STIMATE: variants seen among roughly 807,000 people sequenced by gnomAD.
STIMATE encodes STIM activating enhancer.
A neutral mutation model predicts 36.7 loss-of-function variants in STIMATE; 15 were observed. That is an observed-to-expected ratio of 0.41 (90% confidence interval 0.27 to 0.63). The LOEUF (loss-of-function observed/expected upper bound fraction) is 0.63. Ranked by LOEUF, STIMATE falls within the 20% of genes least tolerant of loss-of-function variation. The pLI is 0.32. For missense variants in STIMATE, 305 were observed against 397.3 expected (o/e 0.77, Z 1.98); for synonymous variants, 163 against 162.3 (o/e 1.00, Z -0.03).
intron 4 of STIMATE, 125 bp from the exon 5 acceptor site, chr3:52,845,066 G>GCC (rs1167036393): frequency 1.2e-6 from 1 of 863,282 alleles, no homozygotes; most frequent in African/African-American, 1.7e-5. Context: ...TACTTAATGA[G>GCC]CCCCCCCAAA....
chr3:52,859,901 TG>T (rs1701185922), intron 1 of STIMATE, among the ~76,000 whole-genome samples: 1 of 151,990 alleles, frequency 6.6e-6, no homozygotes, highest in South Asian at 2.1e-4. Context: ...CCCGTGCCTG[TG>T]GGTGCCCTGA....
At chr3:52,879,519 G>A (rs374623832) in intron 1 of STIMATE, among the ~76,000 whole-genome samples, 2 of 152,166 alleles carry the variant, frequency 1.3e-5, no homozygotes, top group African/African-American at 4.8e-5. Flanking sequence ...AGTGATACAC[G>A]AGAAGCATGT....
At chr3:52,846,976 T>C (rs1700919138) in intron 4 of STIMATE, among the ~76,000 whole-genome samples, 1 of 152,162 alleles carries the variant, frequency 6.6e-6, no homozygotes, top group Non-Finnish European at 1.5e-5. Context: ...TGAACACGGC[T>C]TATTGTATCC....
intron 1 of STIMATE, among the ~76,000 whole-genome samples, chr3:52,856,185 T>C (rs1701091482): frequency 1.3e-5 from 2 of 152,164 alleles, no homozygotes; most frequent in Admixed American, 1.3e-4. Context: ...TCTGGCCTCA[T>C]TTAATTTGGC....
intron 1 of STIMATE, among the ~76,000 whole-genome samples, chr3:52,887,401 G>A (rs1701704978): frequency 6.6e-6 from 1 of 152,220 alleles, no homozygotes; most frequent in Middle Eastern, 3.2e-3. Flanking sequence ...ACAGGCAGAG[G>A]CCTATTCTGT....
intron 1 of STIMATE, among the ~76,000 whole-genome samples, chr3:52,873,856 C>T (rs1325337818): frequency 6.6e-6 from 1 of 152,236 alleles, no homozygotes; most frequent in Non-Finnish European, 1.5e-5. Flanking sequence ...AGAAATGCTG[C>T]ATCTGCTCCT....
intron 1 of STIMATE, among the ~76,000 whole-genome samples, chr3:52,862,911 C>A (rs1264644685): frequency 6.6e-6 from 1 of 152,064 alleles, no homozygotes; most frequent in East Asian, 1.9e-4. Flanking sequence ...GAAGAAGGAC[C>A]TGTGAAGATG....
At chr3:52,876,972 A>G (rs1269044594) in intron 1 of STIMATE, among the ~76,000 whole-genome samples, 1 of 152,224 alleles carries the variant, frequency 6.6e-6, no homozygotes, top group Non-Finnish European at 1.5e-5. Context: ...GCTAGTGTCT[A>G]CATTTATAAT....
chr3:52,871,504 C>T (rs145780745), intron 1 of STIMATE, among the ~76,000 whole-genome samples: 2 of 152,332 alleles, frequency 1.3e-5, no homozygotes, highest in African/African-American at 4.8e-5. Context: ...TCTAGCCTCC[C>T]CCTGTGGCAG....
intron 1 of STIMATE, among the ~76,000 whole-genome samples, chr3:52,888,150 A>G (rs1701724612): frequency 1.3e-5 from 2 of 151,980 alleles, no homozygotes; most frequent in Admixed American, 1.3e-4. Context: ...CCTCATCTCC[A>G]GCCTCTCACG....
At chr3:52,883,686 C>T (rs912258478) in intron 1 of STIMATE, among the ~76,000 whole-genome samples, 3 of 152,110 alleles carry the variant, frequency 2.0e-5, no homozygotes, top group South Asian at 4.1e-4. Flanking sequence ...GCTATGTTTT[C>T]ACGTATGCTA....
chr3:52,847,733 A>G (rs1333802597), intron 4 of STIMATE, among the ~76,000 whole-genome samples: 3 of 152,302 alleles, frequency 2.0e-5, no homozygotes, highest in Non-Finnish European at 1.5e-5. Flanking sequence ...AGCATCACAT[A>G]GCAAAGGGGA....
At chr3:52,858,219 T>C (rs1362657932) in intron 1 of STIMATE, among the ~76,000 whole-genome samples, 1 of 152,216 alleles carries the variant, frequency 6.6e-6, no homozygotes, top group Non-Finnish European at 1.5e-5. Context: ...CTGGTGAACC[T>C]AGATGAAAGA....
At chr3:52,890,510 G>A (rs951086444) in intron 1 of STIMATE, among the ~76,000 whole-genome samples, 1 of 152,256 alleles carries the variant, frequency 6.6e-6, no homozygotes, top group Non-Finnish European at 1.5e-5. Flanking sequence ...AGTGGGTAGA[G>A]GCAGGCTGGG....
chr3:52,841,187 C>T (rs1360376047), intron 7 of STIMATE, among the ~76,000 whole-genome samples: 1 of 152,200 alleles, frequency 6.6e-6, no homozygotes, highest in African/African-American at 2.4e-5. Flanking sequence ...CCAGGGGAAC[C>T]GACCTCCATC....
intron 1 of STIMATE, among the ~76,000 whole-genome samples, chr3:52,884,372 A>C (rs1701658791): frequency 6.6e-6 from 1 of 151,766 alleles, no homozygotes; most frequent in African/African-American, 2.4e-5. Flanking sequence ...CAGCCTCCCG[A>C]GTACCTGGGA....
chr3:52,863,621 T>C (rs2106690041), intron 1 of STIMATE, among the ~76,000 whole-genome samples: 2 of 152,298 alleles, frequency 1.3e-5, no homozygotes, highest in East Asian at 3.9e-4. Flanking sequence ...TCTTAACTCA[T>C]TTCAACATTA....
At chr3:52,855,309 C>T in intron 2 of STIMATE, 87 bp downstream of exon 2, 4 of 1,502,756 alleles carry the variant, frequency 2.7e-6, no homozygotes, top group Non-Finnish European at 3.6e-6. Context: ...ATGCCCTCCC[C>T]ACTCCAACAC....
At chr3:52,868,152 A>G (rs1055466937) in intron 1 of STIMATE, among the ~76,000 whole-genome samples, 13 of 152,354 alleles carry the variant, frequency 8.5e-5, no homozygotes, top group African/African-American at 3.1e-4. Context: ...AATGCCCTGT[A>G]GTAGGGCTAA....
Sources: allele counts gnomAD v4.1 joint callset (sites outside exome capture counted in the v4.1 genomes callset), GRCh38; gene constraint gnomAD v4.1.1; transcripts MANE v1.5; gene names NCBI Gene and HGNC (gene_info 2026-07-23, HGNC 2026-07-21).